Variants in JAM2 observed in about 807,000 individuals in gnomAD.
The protein encoded by JAM2 is junctional adhesion molecule 2.
A neutral mutation model predicts 42.0 loss-of-function variants in JAM2; 17 were observed. That is an observed-to-expected ratio of 0.40 (90% CI 0.28 to 0.61). JAM2 has a LOEUF of 0.61. JAM2 is among the 20% of genes least tolerant of loss of function. The pLI is 0.37. For synonymous variants in JAM2, 118 were observed against 128.6 expected (o/e 0.92, Z 0.56); for missense variants, 319 against 358.3 (o/e 0.89, Z 0.89).
intron 4 of JAM2, among the ~76,000 whole-genome samples, chr21:25,695,506 G>A (rs1456945645): frequency 6.6e-6 from 1 of 152,178 alleles, no homozygotes; most frequent in Non-Finnish European, 1.5e-5. Context: ...CTCCCAGACG[G>A]GGCGGCCGCG....
intron 4 of JAM2, among the ~76,000 whole-genome samples, chr21:25,696,064 C>T (rs1209233121): frequency 5.3e-5 from 8 of 152,244 alleles, no homozygotes; most frequent in Admixed American, 4.6e-4. Flanking sequence ...TGTAGCGAGC[C>T]GAGATCACGC....
At position 25,709,441 on chromosome 21, in the gene JAM2, C is replaced by A; in HGVS notation, c.813C>A (p.Thr271=). 7.0e-7 allele frequency: 1 copy of A among 1,435,174 alleles called. No individual in the cohort carries two copies. Among genetic ancestry groups the A allele is most frequent in the Non-Finnish European group, 9.7e-7 (1 of 1,034,596 alleles). The allele number at this position is 1,435,174 out of a possible 1,614,324, so 88.9% of individuals were successfully genotyped here. A position where few individuals can be genotyped will look rare whatever the true frequency, so the allele number is the denominator to read the frequency against. The change falls in exon 8 of 10, where the codon ACC becomes ACA. Residue 271 remains threonine, a synonymous_variant. Coordinates refer to ENST00000480456, the MANE Select transcript of JAM2 (RefSeq NM_021219.4). ...ATACTTTTTCTTTTGTAGAAGAAAC[C>A]TCCTTCCAGTAAGTATACTTTCCTA... The part of the protein sequence containing the change: ...AQRKGYFSKE[T]SFQKSNSSSK...
chr21:25,700,205 A>G (rs896189288), intron 5 of JAM2, among the ~76,000 whole-genome samples: 1 of 152,178 alleles, frequency 6.6e-6, no homozygotes, highest in Non-Finnish European at 1.5e-5. Flanking sequence ...AGTTTAAAAA[A>G]GGGTCATTAA....
chr21:25,659,494 T>C (rs951668770), intron 1 of JAM2, among the ~76,000 whole-genome samples: 2 of 152,230 alleles, frequency 1.3e-5, no homozygotes, highest in Non-Finnish European at 2.9e-5. Context: ...TGTCTTTCAC[T>C]ACTTCCCAAC....
At chr21:25,641,022 G>A (rs1214533342) in intron 1 of JAM2, among the ~76,000 whole-genome samples, 1 of 152,206 alleles carries the variant, frequency 6.6e-6, no homozygotes, top group South Asian at 2.1e-4. Flanking sequence ...CTTTGTGGAG[G>A]AGGAAGGTGC....
chr21:25,661,042 C>G (rs1447336030), intron 1 of JAM2, among the ~76,000 whole-genome samples: 1 of 151,660 alleles, frequency 6.6e-6, no homozygotes, highest in African/African-American at 2.4e-5. Context: ...CCGCCCACCT[C>G]GGCCTCCCAG....
chr21:25,657,835 A>T (rs2032980703), intron 1 of JAM2, among the ~76,000 whole-genome samples: 1 of 152,208 alleles, frequency 6.6e-6, no homozygotes, highest in African/African-American at 2.4e-5. Context: ...AGCTAAGAAC[A>T]TGTTTTAAAA....
intron 1 of JAM2, among the ~76,000 whole-genome samples, chr21:25,645,439 A>C (rs1452451597): frequency 1.3e-5 from 2 of 152,044 alleles, no homozygotes; most frequent in African/African-American, 2.4e-5. Flanking sequence ...ATTGAATATC[A>C]GTTTGATTTG....
At chr21:25,681,392 T>A (rs60502592) in intron 1 of JAM2, among the ~76,000 whole-genome samples, 12,515 of 152,112 alleles carry the variant, frequency 0.082, 713 homozygotes, top group East Asian at 0.29. Context: ...AGCAAATACA[T>A]CCTTTTTCAC....
At chr21:25,639,950 C>A in intron 1 of JAM2, 62 bp downstream of exon 1, 1 of 1,198,242 alleles carries the variant, frequency 8.3e-7, no homozygotes, top group Non-Finnish European at 1.2e-6. Flanking sequence ...CCCTCCAGCC[C>A]CCCACGGGGC....
At chr21:25,705,709 TC>T (rs1331505266) in intron 6 of JAM2, among the ~76,000 whole-genome samples, 1 of 152,242 alleles carries the variant, frequency 6.6e-6, no homozygotes, top group African/African-American at 2.4e-5. Context: ...ATTACACATC[TC>T]CAAATGAATG....
chr21:25,639,954 A>C, intron 1 of JAM2, 66 bp downstream of exon 1: 8 of 1,150,574 alleles, frequency 7.0e-6, no homozygotes, highest in African/African-American at 1.6e-5. Flanking sequence ...CCAGCCCCCC[A>C]CGGGGCGCTG....
chr21:25,710,234 T>A (rs570537279), intron 8 of JAM2: 42 of 152,326 alleles, frequency 2.8e-4, no homozygotes, highest in African/African-American at 9.1e-4. Flanking sequence ...TAGTTAACAG[T>A]CATTTTTTTA....
chr21:25,716,582 A>G lies in JAM2; in HGVS notation c.*1910A>G, dbSNP rs986937206. 3.9e-5 allele frequency: 6 copies of G among 152,226 alleles called. No homozygotes were observed. Among genetic ancestry groups the G allele is most frequent in the Non-Finnish European group, 4.4e-5 (3 of 68,038 alleles). 9.4% of individuals were successfully genotyped at this position (152,226 alleles called of 1,614,324 possible). On this transcript the variant is annotated 3_prime_UTR_variant, in exon 10 of 10. Transcript: ENST00000480456. ...TTTTCTGTAAAGAGCCAGAAAGTAG[A>G]TATTTTAAGTCATAAGGTCCCTGTT...
At chr21:25,659,241 A>C (rs2033017193) in intron 1 of JAM2, among the ~76,000 whole-genome samples, 1 of 135,172 alleles carries the variant, frequency 7.4e-6, no homozygotes. Flanking sequence ...AAACATCCTC[A>C]TAATTTTCTA....
intron 5 of JAM2, among the ~76,000 whole-genome samples, chr21:25,700,728 T>G (rs2034148470): frequency 6.6e-6 from 1 of 152,168 alleles, no homozygotes; most frequent in South Asian, 2.1e-4. Flanking sequence ...ACAGTAACAT[T>G]TACAAACAGA....
At chr21:25,682,143 T>C (rs562218492) in intron 1 of JAM2, among the ~76,000 whole-genome samples, 6 of 152,348 alleles carry the variant, frequency 3.9e-5, no homozygotes, top group African/African-American at 1.4e-4. Flanking sequence ...GGCACTGTTC[T>C]GAGTGTTTGC....
At chr21:25,679,296 T>C (rs1369293029) in intron 1 of JAM2, among the ~76,000 whole-genome samples, 1 of 152,230 alleles carries the variant, frequency 6.6e-6, no homozygotes, top group Non-Finnish European at 1.5e-5. Context: ...CTTTCATAGT[T>C]ACACAATTCT....
intron 4 of JAM2, among the ~76,000 whole-genome samples, chr21:25,696,721 T>C (rs1263533679): frequency 6.6e-6 from 1 of 152,150 alleles, no homozygotes; most frequent in African/African-American, 2.4e-5. Flanking sequence ...TGCCAGATTT[T>C]GGTTCCTTGT....
Sources: gnomAD v4.1 joint callset for allele counts (sites outside exome capture counted in the v4.1 genomes callset) on GRCh38, gnomAD v4.1.1 for gene constraint, MANE v1.5 for transcripts, NCBI Gene and HGNC (gene_info 2026-07-23, HGNC 2026-07-21) for gene names.